The following PUM1 variants were observed in gnomAD, a reference collection of about 807,000 sequenced individuals.
PUM1 encodes the protein pumilio homolog 1.
A neutral mutation model predicts 131.8 loss-of-function variants in PUM1; 13 were observed. The ratio of observed to expected loss-of-function variants is 0.10; its 90% CI spans 0.06 to 0.16. The LOEUF (loss-of-function observed/expected upper bound fraction) is 0.16. Among genes scored for constraint, PUM1 ranks in the 10% least tolerant of loss-of-function variants. The pLI, the probability that PUM1 is intolerant of heterozygous loss-of-function variation, is 1.00. For missense variants in PUM1, 961 were observed against 1,512.4 expected (o/e 0.64, Z 6.05); for synonymous variants, 509 against 556.5 (o/e 0.91, Z 1.20).
At chr1:31,051,294 T>A (rs1470434817) in intron 2 of PUM1, among the ~76,000 whole-genome samples, 1 of 150,502 alleles carries the variant, frequency 6.6e-6, no homozygotes, top group Admixed American at 6.6e-5. Context: ...AATATATTCA[T>A]CCACTGAATT....
At chr1:31,032,035 C>T (rs1643449288) in intron 2 of PUM1, among the ~76,000 whole-genome samples, 1 of 152,124 alleles carries the variant, frequency 6.6e-6, no homozygotes, top group Middle Eastern at 3.2e-3. Context: ...ACCCTCCTGC[C>T]CTACCTCTTA....
chr1:30,993,738 GTAAGTATT>G (rs1641886280), intron 6 of PUM1, among the ~76,000 whole-genome samples: 2 of 152,070 alleles, frequency 1.3e-5, no homozygotes, highest in Admixed American at 1.3e-4. Flanking sequence ...AAGACCTTAG[GTAAGTATT>G]TATTACCCTG....
intron 2 of PUM1, among the ~76,000 whole-genome samples, chr1:31,044,334 G>A (rs996046370): frequency 2.0e-5 from 3 of 152,064 alleles, no homozygotes; most frequent in East Asian, 1.9e-4. Flanking sequence ...CCCAGGGGGC[G>A]GAGCCTGCAG....
At chr1:31,030,944 A>G (rs996177469) in intron 2 of PUM1, among the ~76,000 whole-genome samples, 12 of 152,250 alleles carry the variant, frequency 7.9e-5, no homozygotes, top group Non-Finnish European at 1.6e-4. Context: ...ACTCAAAGTA[A>G]GAGTAAAGTT....
intron 14 of PUM1, among the ~76,000 whole-genome samples, chr1:30,962,398 A>G (rs184702921): frequency 9.2e-5 from 14 of 152,202 alleles, no homozygotes; most frequent in Admixed American, 7.2e-4. Flanking sequence ...AAGGAACCAC[A>G]GCTTTTTATT....
At position 30,953,696 on chromosome 1, in the gene PUM1, C is replaced by A; in HGVS notation, c.2591+18G>T. On this transcript the variant is annotated intron_variant, in intron 15 of 21. Coordinates refer to ENST00000426105, the MANE Select transcript of PUM1 (RefSeq NM_001020658.2). ...TTACAATTTCGGGTACCTTAAAGTG[C>A]CAAAGCCAAGTACTCACCTGGACCC... 1.2e-6 allele frequency: 2 copies of A among 1,612,664 alleles called. No homozygotes were observed. Among genetic ancestry groups the A allele is most frequent in the African/African-American group, 1.3e-5 (1 of 74,998 alleles).
chr1:31,030,301 T>A (rs933519985), intron 2 of PUM1, among the ~76,000 whole-genome samples: 1 of 152,108 alleles, frequency 6.6e-6, no homozygotes, highest in African/African-American at 2.4e-5. Context: ...TCTCTCAAAC[T>A]CCCTCCTCTG....
At chr1:31,024,162 AG>A (rs1357533797) in intron 3 of PUM1, among the ~76,000 whole-genome samples, 1 of 152,148 alleles carries the variant, frequency 6.6e-6, no homozygotes, top group Non-Finnish European at 1.5e-5. Flanking sequence ...GGTAGAAAAA[AG>A]TAAGTGCAAA....
chr1:30,985,625 A>T (rs1381545650), intron 7 of PUM1, among the ~76,000 whole-genome samples: 1 of 147,786 alleles, frequency 6.8e-6, no homozygotes, highest in Admixed American at 6.7e-5. Context: ...ACTCCAGCCT[A>T]AGCAACAAGA....
intron 3 of PUM1, among the ~76,000 whole-genome samples, chr1:31,023,544 A>G (rs537888163): frequency 6.6e-6 from 1 of 152,326 alleles, no homozygotes; most frequent in African/African-American, 2.4e-5. Context: ...AGTCAGGCTA[A>G]TACTTGCCTT....
chr1:30,959,654 T>C (rs896426029), intron 14 of PUM1, among the ~76,000 whole-genome samples: 1 of 152,122 alleles, frequency 6.6e-6, no homozygotes, highest in Non-Finnish European at 1.5e-5. Context: ...ACACCTGTAA[T>C]CCCAACACTT....
At chr1:30,940,055 C>A (rs1049151616) in intron 20 of PUM1, among the ~76,000 whole-genome samples, 1 of 152,096 alleles carries the variant, frequency 6.6e-6, no homozygotes, top group African/African-American at 2.4e-5. Context: ...CCCCCCAAAA[C>A]AAAACAATAT....
intron 3 of PUM1, among the ~76,000 whole-genome samples, chr1:31,018,639 CA>C (rs1642911692): frequency 6.6e-6 from 1 of 152,144 alleles, no homozygotes; most frequent in African/African-American, 2.4e-5. Flanking sequence ...GCCTGGGTGA[CA>C]GAGCAAGGCT....
chr1:31,017,112 C>A (rs912095202), intron 3 of PUM1, among the ~76,000 whole-genome samples: 1 of 152,084 alleles, frequency 6.6e-6, no homozygotes, highest in Non-Finnish European at 1.5e-5. Context: ...CTTGCTGATG[C>A]CCAAAAGTAC....
At chr1:31,034,224 T>C in intron 2 of PUM1, among the ~76,000 whole-genome samples, 1 of 152,220 alleles carries the variant, frequency 6.6e-6, no homozygotes, top group Non-Finnish European at 1.5e-5. Context: ...AGTGTGTCTT[T>C]ACAATGAACG....
intron 1 of PUM1, among the ~76,000 whole-genome samples, chr1:31,064,164 C>T (rs1469172117): frequency 6.6e-6 from 1 of 152,184 alleles, no homozygotes; most frequent in Non-Finnish European, 1.5e-5. Flanking sequence ...TCACCTTTTA[C>T]TAAAATGCTT....
chr1:30,994,921 G>A, intron 6 of PUM1, 133 bp downstream of exon 6: 1 of 947,370 alleles, frequency 1.1e-6, no homozygotes, highest in Non-Finnish European at 1.6e-6. Flanking sequence ...TTGTAGCATA[G>A]CCTACACTAG....
chr1:31,003,971 C>A (rs989478494), intron 5 of PUM1, among the ~76,000 whole-genome samples: 7 of 152,142 alleles, frequency 4.6e-5, no homozygotes, highest in Admixed American at 4.6e-4. Flanking sequence ...TTTCATTTAT[C>A]TTCATGCATA....
In PUM1 at chr1:30,965,944, A is replaced by C. The variant is rs762697492; in HGVS notation, c.2086+38T>G. 3.9e-6 allele frequency: 6 copies of C among 1,549,482 alleles called. No homozygotes were observed. The African/African-American group carries it at 5.5e-5, about 14-fold the overall frequency. On this transcript the variant is annotated intron_variant, in intron 13 of 21. Coordinates refer to ENST00000426105, the MANE Select transcript of PUM1 (RefSeq NM_001020658.2). ...TTCCAGAAGGATTGTAAAAATAATTAAAATTCAGTCTTAAGAGCATATCAG... is the reference window on the plus strand; with the variant it reads ...TTCCAGAAGGATTGTAAAAATAATTCAAATTCAGTCTTAAGAGCATATCAG...
Sources: gnomAD v4.1 joint callset for allele counts (sites outside exome capture counted in the v4.1 genomes callset) on GRCh38, gnomAD v4.1.1 for gene constraint, MANE v1.5 for transcripts, NCBI Gene and HGNC (gene_info 2026-07-23, HGNC 2026-07-21) for gene names.